Variants in NOL4 observed in about 807,000 individuals in gnomAD.
The protein encoded by NOL4 is nucleolar protein 4.
In NOL4, 17 loss-of-function variants were observed where a neutral mutation model predicts 75.9. That is an observed-to-expected ratio of 0.22 (90% CI 0.15 to 0.34). NOL4 has a LOEUF of 0.34. NOL4 is among the 10% of genes least tolerant of loss of function. The pLI, the probability that NOL4 is intolerant of heterozygous loss-of-function variation, is 1.00. For missense variants in NOL4, 614 were observed against 793.5 expected, an observed-to-expected ratio of 0.77 and a Z score of 2.72; for synonymous variants, 292 against 289.9, an observed-to-expected ratio of 1.01 and a Z score of -0.07.
intron 1 of NOL4, among the ~76,000 whole-genome samples, chr18:34,165,294 C>A (rs1238418367): frequency 6.6e-6 from 1 of 152,056 alleles, no homozygotes; most frequent in Non-Finnish European, 1.5e-5. Context: ...TTTAAAACCT[C>A]AGTTTACATC....
chr18:34,115,372 CCCTGCAA>C (rs1204879534), intron 2 of NOL4, among the ~76,000 whole-genome samples: 8 of 152,082 alleles, frequency 5.3e-5, no homozygotes, highest in African/African-American at 1.9e-4. Flanking sequence ...AATAATAGCT[CCCTGCAA>C]CCTCAAAGTC....
chr18:34,205,089 T>A (rs2146515960), intron 1 of NOL4, among the ~76,000 whole-genome samples: 1 of 152,252 alleles, frequency 6.6e-6, no homozygotes, highest in African/African-American at 2.4e-5. Flanking sequence ...ACAGGTTTTT[T>A]GAAAAATGTT....
At chr18:34,057,594 T>C (rs1352269235) in intron 5 of NOL4, among the ~76,000 whole-genome samples, 3 of 152,304 alleles carry the variant, frequency 2.0e-5, no homozygotes, top group Non-Finnish European at 2.9e-5. Context: ...TTAATAATAA[T>C]AGTAATAAGT....
Position 34,223,352 on chromosome 18 carries a change from T to G in NOL4, c.-99A>C. The G allele has an allele frequency of 3.3e-6, 5 of 1,505,534 alleles. No individual in the cohort carries two copies. Among genetic ancestry groups the G allele is most frequent in the Non-Finnish European group, 4.4e-6 (5 of 1,124,508 alleles). The allele number at this position is 1,505,534 out of a possible 1,614,324, so 93.3% of individuals were successfully genotyped here. ...TGCAGCCCCGGCCACGTTGCAGGGA[T>G]GCGAGGTCCCGGCCGCAGCGGGAGC... On this transcript the variant is annotated 5_prime_UTR_variant, in exon 1 of 11. Transcript: ENST00000261592.
intron 6 of NOL4, among the ~76,000 whole-genome samples, chr18:33,984,051 A>G (rs2072227553): frequency 6.6e-6 from 1 of 152,128 alleles, no homozygotes; most frequent in Admixed American, 6.6e-5. Flanking sequence ...GTGAAAAAAT[A>G]TTTTCCAGGA....
intron 10 of NOL4, among the ~76,000 whole-genome samples, chr18:33,861,824 C>T (rs1384803636): frequency 1.3e-5 from 2 of 151,962 alleles, no homozygotes; most frequent in Non-Finnish European, 2.9e-5. Flanking sequence ...GAATCAATAT[C>T]ATGAAAATGG....
chr18:33,919,254 C>T lies in NOL4; in HGVS notation c.1542+23811G>A, dbSNP rs1207106313. 2.0e-5 allele frequency among the ~76,000 whole-genome samples: 3 copies of T among 152,118 alleles called. No homozygotes were observed. In the East Asian group the frequency reaches 5.8e-4, roughly 29 times the overall value. ...AAAAGCATCCACAGCATTTTTTACACATCTGAGCTTCTAAGAACAAGGGAC... is the reference window on the plus strand; with the variant it reads ...AAAAGCATCCACAGCATTTTTTACATATCTGAGCTTCTAAGAACAAGGGAC... On this transcript the variant is annotated intron_variant, in intron 9 of 10. Transcript: ENST00000261592.
At chr18:34,000,293 T>A (rs1220031921) in intron 6 of NOL4, among the ~76,000 whole-genome samples, 1 of 152,076 alleles carries the variant, frequency 6.6e-6, no homozygotes, top group East Asian at 1.9e-4. Flanking sequence ...AAAAGGCCTA[T>A]AAAACACAAC....
chr18:34,095,184 G>A (rs999172894), intron 4 of NOL4, among the ~76,000 whole-genome samples: 7 of 151,638 alleles, frequency 4.6e-5, no homozygotes, highest in African/African-American at 1.7e-4. Flanking sequence ...CAGCCACATA[G>A]ACTTCTCTTA....
intron 6 of NOL4, among the ~76,000 whole-genome samples, chr18:33,993,857 T>C (rs1223331615): frequency 6.6e-6 from 1 of 151,242 alleles, no homozygotes; most frequent in African/African-American, 2.4e-5. Context: ...TTTGACCTGA[T>C]AGAAGAAAGA....
At chr18:34,048,204 T>C (rs1484338532) in intron 5 of NOL4, among the ~76,000 whole-genome samples, 2 of 152,166 alleles carry the variant, frequency 1.3e-5, no homozygotes, top group African/African-American at 2.4e-5. Flanking sequence ...TATATTCTTT[T>C]TGCTTATCTA....
chr18:34,143,621 C>T (rs1019398079), intron 1 of NOL4, among the ~76,000 whole-genome samples: 3 of 151,990 alleles, frequency 2.0e-5, no homozygotes, highest in Non-Finnish European at 2.9e-5. Flanking sequence ...AATCCTAGCA[C>T]TTTGGGAGGC....
At chr18:34,212,059 T>G (rs1011915994) in intron 1 of NOL4, among the ~76,000 whole-genome samples, 2 of 152,186 alleles carry the variant, frequency 1.3e-5, no homozygotes, top group African/African-American at 4.8e-5. Context: ...ATTATAATTA[T>G]GAGAATAACA....
At chr18:34,062,455 G>A (rs2077102098) in intron 5 of NOL4, among the ~76,000 whole-genome samples, 1 of 152,174 alleles carries the variant, frequency 6.6e-6, no homozygotes, top group Middle Eastern at 3.4e-3. Context: ...AGGAGGGGAA[G>A]TTGCCGAACC....
chr18:33,908,571 A>G (rs996196705), intron 9 of NOL4, among the ~76,000 whole-genome samples: 6 of 152,162 alleles, frequency 3.9e-5, no homozygotes, highest in African/African-American at 1.2e-4. Flanking sequence ...TGTTGAGATT[A>G]AAGTTTATAG....
At chr18:34,134,990 T>C (rs1394083063) in intron 1 of NOL4, among the ~76,000 whole-genome samples, 1 of 152,090 alleles carries the variant, frequency 6.6e-6, no homozygotes, top group Non-Finnish European at 1.5e-5. Context: ...AGACTTATCT[T>C]TTCACCTTAG....
At chr18:33,890,549 G>A (rs1311667580) in intron 9 of NOL4, among the ~76,000 whole-genome samples, 1 of 151,824 alleles carries the variant, frequency 6.6e-6, no homozygotes, top group Non-Finnish European at 1.5e-5. Context: ...ACCAAAAACA[G>A]GGTGAGTTTT....
chr18:34,082,769 G>A lies in NOL4; in HGVS notation c.772+10696C>T, dbSNP rs2078069332. ...CATCACAGATTTGAATAAAGACAGG[G>A]CTAAGCAGTGATGAGTTGCACGTTT... On this transcript the variant is annotated intron_variant, in intron 5 of 10. Transcript: ENST00000261592. Among the ~76,000 whole-genome samples the A allele has an allele frequency of 2.6e-5, 4 of 152,230 alleles. No homozygotes were observed. The South Asian group carries it at 6.2e-4, about 24-fold the overall frequency.
chr18:34,123,888 T>C (rs1435355162), intron 2 of NOL4, among the ~76,000 whole-genome samples: 4 of 151,738 alleles, frequency 2.6e-5, no homozygotes, highest in African/African-American at 9.7e-5. Context: ...ACTGATAAAC[T>C]CTCTAAGGTA....
Sources: gnomAD v4.1 joint callset for allele counts (sites outside exome capture counted in the v4.1 genomes callset) on GRCh38, gnomAD v4.1.1 for gene constraint, MANE v1.5 for transcripts, NCBI Gene and HGNC (gene_info 2026-07-23, HGNC 2026-07-21) for gene names.